TENM2: variants seen among roughly 807,000 people sequenced by gnomAD.
TENM2 encodes teneurin-2.
Under a neutral mutation model 245.2 loss-of-function variants are expected in TENM2, and 52 were observed. The ratio of observed to expected loss-of-function variants is 0.21; its 90% CI spans 0.17 to 0.27. The LOEUF (loss-of-function observed/expected upper bound fraction) is 0.27. Among genes scored for constraint, TENM2 ranks in the 10% least tolerant of loss-of-function variants. The probability of loss-of-function intolerance (pLI) is 1.00; values close to 1 mark genes in which losing one functional copy is unlikely to be tolerated. For synonymous variants in TENM2, 1,363 were observed against 1,438.9 expected, an observed-to-expected ratio of 0.95 and a Z score of 1.19; for missense variants, 3,046 against 3,666.8, an observed-to-expected ratio of 0.83 and a Z score of 4.37.
the TENM2 span, among the ~76,000 whole-genome samples, chr5:167,090,001 G>C: frequency 6.6e-6 from 1 of 152,124 alleles, no homozygotes; most frequent in Non-Finnish European, 1.5e-5. Context: ...ACAGAAGATA[G>C]AAAAAGCTAA....
intron 2 of TENM2, among the ~76,000 whole-genome samples, chr5:167,772,538 A>G (rs999357764): frequency 6.6e-6 from 1 of 151,994 alleles, no homozygotes; most frequent in Non-Finnish European, 1.5e-5. Flanking sequence ...CTCTCATTTT[A>G]TGTTAGGACT....
At chr5:167,847,099 C>T (rs535643645) in intron 2 of TENM2, among the ~76,000 whole-genome samples, 102 of 152,292 alleles carry the variant, frequency 6.7e-4, no homozygotes, top group Non-Finnish European at 6.2e-4. Context: ...TACGAGTATG[C>T]ACCACCATGC....
intron 1 of TENM2, among the ~76,000 whole-genome samples, chr5:167,344,327 T>TATAG (rs1554137004): frequency 4.9e-5 from 5 of 102,684 alleles, no homozygotes; most frequent in East Asian, 2.3e-4. Flanking sequence ...TATATATATA[T>TATAG]ATAGATATAT....
At chr5:167,531,635 C>A (rs1271319099) in intron 2 of TENM2, among the ~76,000 whole-genome samples, 1 of 152,116 alleles carries the variant, frequency 6.6e-6, no homozygotes, top group Non-Finnish European at 1.5e-5. Flanking sequence ...TAGTATCTCC[C>A]CATTCCCACC....
chr5:167,858,812 C>T (rs1449144156), intron 2 of TENM2, among the ~76,000 whole-genome samples: 7 of 148,570 alleles, frequency 4.7e-5, no homozygotes, highest in African/African-American at 1.2e-4. Flanking sequence ...CGCCGGCGAG[C>T]GCCGCCCGGG....
chr5:167,497,469 C>T (rs1310681960), intron 2 of TENM2, among the ~76,000 whole-genome samples: 2 of 152,032 alleles, frequency 1.3e-5, no homozygotes, highest in Non-Finnish European at 2.9e-5. Context: ...TCGACATTCA[C>T]CCTGGTCAGT....
At chr5:167,160,727 T>C in the TENM2 span, among the ~76,000 whole-genome samples, 1 of 152,224 alleles carries the variant, frequency 6.6e-6, no homozygotes, top group Admixed American at 6.5e-5. Flanking sequence ...ATTATACATG[T>C]ATTTATTTAA....
the TENM2 span, among the ~76,000 whole-genome samples, chr5:167,234,763 A>G: frequency 2.6e-5 from 4 of 152,208 alleles, no homozygotes; most frequent in African/African-American, 4.8e-5. Context: ...GTCCTCCATC[A>G]TGGGCAAAGA....
intron 5 of TENM2, among the ~76,000 whole-genome samples, chr5:168,013,378 C>CG: frequency 6.6e-6 from 1 of 152,158 alleles, no homozygotes; most frequent in East Asian, 1.9e-4. Context: ...CTGAAGCAGG[C>CG]GGATCACCTG....
At chr5:167,089,674 A>T in the TENM2 span, among the ~76,000 whole-genome samples, 2 of 152,184 alleles carry the variant, frequency 1.3e-5, no homozygotes, top group Non-Finnish European at 2.9e-5. Context: ...TATGCCAAAG[A>T]TATACCAAAA....
chr5:167,326,238 T>C (rs1022126973), intron 1 of TENM2, among the ~76,000 whole-genome samples: 2 of 152,194 alleles, frequency 1.3e-5, no homozygotes, highest in African/African-American at 4.8e-5. Context: ...ATATATTTGA[T>C]AGTCTTCTAG....
chr5:167,320,829 T>C (rs558658815), intron 1 of TENM2, among the ~76,000 whole-genome samples: 5 of 152,218 alleles, frequency 3.3e-5, no homozygotes, highest in Non-Finnish European at 7.3e-5. Flanking sequence ...TATTCTGTTA[T>C]AGTAGCACAA....
chr5:167,522,793 T>C (rs1290570205), intron 2 of TENM2, among the ~76,000 whole-genome samples: 1 of 143,072 alleles, frequency 7.0e-6, no homozygotes, highest in Admixed American at 7.3e-5. Flanking sequence ...CTTTGTACAC[T>C]TTACCCAGCA....
chr5:167,794,871 A>G (rs1765215601), intron 2 of TENM2, among the ~76,000 whole-genome samples: 1 of 152,326 alleles, frequency 6.6e-6, no homozygotes, highest in East Asian at 1.9e-4. Flanking sequence ...AGTTACTAGT[A>G]ATGTGCTGAT....
the TENM2 span, among the ~76,000 whole-genome samples, chr5:167,156,253 A>G: frequency 1.3e-5 from 2 of 152,144 alleles, no homozygotes; most frequent in South Asian, 2.1e-4. Flanking sequence ...TATTGCTCCT[A>G]TATGTAAGAT....
chr5:167,398,774 G>A (rs1294158679), intron 2 of TENM2, among the ~76,000 whole-genome samples: 1 of 152,044 alleles, frequency 6.6e-6, no homozygotes, highest in African/African-American at 2.4e-5. Flanking sequence ...TTCCTGTTAT[G>A]ATTATTAAAT....
chr5:167,382,884 T>C (rs1357752367), intron 2 of TENM2, among the ~76,000 whole-genome samples: 1 of 152,186 alleles, frequency 6.6e-6, no homozygotes, highest in East Asian at 1.9e-4. Context: ...AATTGGTGTT[T>C]GAAAGGTACC....
Position 168,102,053 on chromosome 5 carries a change from T to TTGTGTG in TENM2, c.1813+3937_1813+3942dup, listed in dbSNP as rs5873087. On this transcript the variant is annotated intron_variant, in intron 9 of 28. Transcript: ENST00000518659. ...TTATAGTTCCATAGTTTTTTTGTTT[T>TTGTGTG]TGTGTGTGTGTGTGTGCGTTTTGTT... Among the ~76,000 whole-genome samples the TTGTGTG allele has an allele frequency of 6.4e-4, 97 of 151,106 alleles. 2 individuals carry two copies. The highest frequency in any genetic ancestry group is 4.7e-3 in the East Asian group (24 of 5,118).
intron 2 of TENM2, among the ~76,000 whole-genome samples, chr5:167,766,971 T>C (rs1763071003): frequency 6.6e-6 from 1 of 152,146 alleles, no homozygotes; most frequent in Non-Finnish European, 1.5e-5. Context: ...ATGATATCAT[T>C]GCTGTGGAAA....
Sources: gnomAD v4.1 joint callset for allele counts (sites outside exome capture counted in the v4.1 genomes callset) on GRCh38, gnomAD v4.1.1 for gene constraint, MANE v1.5 for transcripts, NCBI Gene and HGNC (gene_info 2026-07-23, HGNC 2026-07-21) for gene names.